Variants in NSMCE2 observed in about 807,000 individuals in gnomAD.
NSMCE2 encodes the protein NSE2 SUMO ligase component of SMC5/6 complex.
NSMCE2 carries 24 observed loss-of-function variants against 23.8 expected under a neutral mutation model. The ratio of observed to expected loss-of-function variants is 1.01; its 90% CI spans 0.73 to 1.42. The LOEUF is 1.42. Ranked by LOEUF, NSMCE2 falls within the 40% of genes most tolerant of loss-of-function variation. The pLI, the probability that NSMCE2 is intolerant of heterozygous loss-of-function variation, is 0.00. For synonymous variants in NSMCE2, 92 were observed against 94.1 expected (o/e 0.98, Z 0.13); for missense variants, 284 against 296.5 (o/e 0.96, Z 0.31).
intron 1 of NSMCE2, among the ~76,000 whole-genome samples, chr8:125,093,958 G>C (rs534956509): frequency 2.6e-5 from 4 of 151,756 alleles, no homozygotes; most frequent in Middle Eastern, 3.2e-3. Flanking sequence ...CACTATGTCT[G>C]TGTAAGTTTA....
chr8:125,102,470 A>G lies in NSMCE2; in HGVS notation c.140A>G (p.Asp47Gly). 6.2e-7 allele frequency: 1 copy of G among 1,613,822 alleles called. No homozygotes were observed. The highest frequency in any genetic ancestry group is 8.5e-7 in the Non-Finnish European group (1 of 1,179,834). ...GMDTASSVAL[D>G]LVESQTEVSS... is the part of the protein sequence containing the mutation. ...GACACAGCTTCTAGTGTTGCTTTGG[A>G]TCTTGTGGAAAGTCAGAGTAAGTAA... Residue 47 changes from aspartate to glycine, a missense_variant, in exon 3 of 8, where the codon GAT (aspartate) becomes GGT (glycine). Transcript: ENST00000287437.
intron 5 of NSMCE2, among the ~76,000 whole-genome samples, chr8:125,217,651 C>G (rs1252026147): frequency 6.6e-6 from 1 of 152,152 alleles, no homozygotes; most frequent in Non-Finnish European, 1.5e-5. Flanking sequence ...CAGGCGTGAG[C>G]CACCGCGCCT....
chr8:125,290,437 C>T (rs551011636), intron 5 of NSMCE2, among the ~76,000 whole-genome samples: 2 of 152,166 alleles, frequency 1.3e-5, no homozygotes, highest in South Asian at 4.2e-4. Context: ...CATAAAATCT[C>T]TCATCTCTAC....
intron 5 of NSMCE2, among the ~76,000 whole-genome samples, chr8:125,245,825 G>C (rs1425318523): frequency 6.6e-6 from 1 of 152,066 alleles, no homozygotes; most frequent in African/African-American, 2.4e-5. Flanking sequence ...CAGAGGTCAG[G>C]AATCAGCCTG....
At chr8:125,345,509 A>G (rs1830400137) in intron 5 of NSMCE2, among the ~76,000 whole-genome samples, 1 of 152,244 alleles carries the variant, frequency 6.6e-6, no homozygotes, top group South Asian at 2.1e-4. Flanking sequence ...TGGTTCACTG[A>G]GAACATGAAG....
At chr8:125,279,271 G>T (rs946736822) in intron 5 of NSMCE2, among the ~76,000 whole-genome samples, 1 of 152,154 alleles carries the variant, frequency 6.6e-6, no homozygotes, top group Non-Finnish European at 1.5e-5. Context: ...ATATAGCAAG[G>T]GTTGGGTTTT....
intron 4 of NSMCE2, among the ~76,000 whole-genome samples, chr8:125,164,361 C>T (rs1821768657): frequency 6.6e-6 from 1 of 152,170 alleles, no homozygotes; most frequent in Admixed American, 6.5e-5. Context: ...CATGACAGTT[C>T]TGTTTCAAGA....
intron 3 of NSMCE2, among the ~76,000 whole-genome samples, chr8:125,128,890 C>G (rs1298015317): frequency 6.6e-6 from 1 of 152,170 alleles, no homozygotes; most frequent in Non-Finnish European, 1.5e-5. Context: ...ACTGCAAGGT[C>G]AGCTGATTAA....
intron 5 of NSMCE2, among the ~76,000 whole-genome samples, chr8:125,314,520 G>A (rs1829099550): frequency 1.3e-5 from 2 of 152,178 alleles, no homozygotes; most frequent in African/African-American, 2.4e-5. Context: ...TCGAACTCCT[G>A]ACTTCGTGAT....
At chr8:125,189,161 A>G (rs562483110) in intron 5 of NSMCE2, among the ~76,000 whole-genome samples, 2 of 152,340 alleles carry the variant, frequency 1.3e-5, no homozygotes, top group Admixed American at 1.3e-4. Context: ...CACAGAGACA[A>G]AGGACCTCTC....
intron 3 of NSMCE2, chr8:125,130,355 G>T (rs904302629): frequency 4.5e-6 from 2 of 445,198 alleles, no homozygotes; most frequent in Non-Finnish European, 9.0e-6. Flanking sequence ...TACTGGAAAG[G>T]TACTTTTTTC....
At chr8:125,313,841 G>C (rs1829069656) in intron 5 of NSMCE2, among the ~76,000 whole-genome samples, 1 of 152,020 alleles carries the variant, frequency 6.6e-6, no homozygotes, top group Admixed American at 6.6e-5. Flanking sequence ...AAAATCAAAG[G>C]GACCCAAAAT....
At chr8:125,213,963 A>C (rs557851066) in intron 5 of NSMCE2, among the ~76,000 whole-genome samples, 2 of 152,298 alleles carry the variant, frequency 1.3e-5, no homozygotes, top group East Asian at 3.9e-4. Flanking sequence ...TTCTTACTTT[A>C]TATCTGGATA....
intron 4 of NSMCE2, among the ~76,000 whole-genome samples, chr8:125,173,624 TC>T (rs1385804614): frequency 6.6e-6 from 1 of 152,182 alleles, no homozygotes; most frequent in East Asian, 1.9e-4. Context: ...AATGAGGCAT[TC>T]AGTCATTCTG....
intron 3 of NSMCE2, among the ~76,000 whole-genome samples, chr8:125,108,044 T>TA (rs1277432039): frequency 2.0e-5 from 3 of 148,628 alleles, no homozygotes; most frequent in Non-Finnish European, 4.5e-5. Flanking sequence ...AAAAAAAAAA[T>TA]AAAAAAAATT....
intron 5 of NSMCE2, among the ~76,000 whole-genome samples, chr8:125,320,925 CTG>C (rs1432239035): frequency 2.0e-5 from 3 of 152,152 alleles, no homozygotes; most frequent in East Asian, 1.9e-4. Flanking sequence ...CCTCAGGAAA[CTG>C]TAAATCATGG....
At chr8:125,240,749 A>T (rs562814475) in intron 5 of NSMCE2, among the ~76,000 whole-genome samples, 1 of 152,166 alleles carries the variant, frequency 6.6e-6, no homozygotes, top group Non-Finnish European at 1.5e-5. Context: ...CACTTAGCAT[A>T]TTCCTGTCTA....
chr8:125,320,781 A>G (rs1829421694), intron 5 of NSMCE2, among the ~76,000 whole-genome samples: 1 of 152,224 alleles, frequency 6.6e-6, no homozygotes, highest in Non-Finnish European at 1.5e-5. Context: ...ATGATGCAGT[A>G]TTAGTTCTCA....
chr8:125,126,422 G>A (rs1819522190), intron 3 of NSMCE2, among the ~76,000 whole-genome samples: 1 of 151,916 alleles, frequency 6.6e-6, no homozygotes, highest in African/African-American at 2.4e-5. Flanking sequence ...CAAGATGTGA[G>A]GAGATGTGTG....
Sources: allele counts gnomAD v4.1 joint callset (sites outside exome capture counted in the v4.1 genomes callset), GRCh38; gene constraint gnomAD v4.1.1; transcripts MANE v1.5; gene names NCBI Gene and HGNC (gene_info 2026-07-23, HGNC 2026-07-21).